The following TRPM5 variants were observed in gnomAD, a reference collection of about 807,000 sequenced individuals.
The protein encoded by TRPM5 is transient receptor potential cation channel subfamily M member 5.
A neutral mutation model predicts 124.9 loss-of-function variants in TRPM5; 121 were observed. That is an observed-to-expected ratio of 0.97 (90% CI 0.84 to 1.13). The LOEUF (loss-of-function observed/expected upper bound fraction) is 1.13, where lower values mean the gene tolerates loss of function less well. Ranked by LOEUF, TRPM5 falls within the 50% of genes most tolerant of loss-of-function variation. TRPM5 has a pLI of 0.00. For missense variants in TRPM5, 1,643 were observed against 1,589.1 expected (o/e 1.03, Z -0.58); for synonymous variants, 781 against 700.5 (o/e 1.11, Z -1.81).
At chr11:2,431,549 C>T in the TRPM5 span, among the ~76,000 whole-genome samples, 14 of 152,306 alleles carry the variant, frequency 9.2e-5, no homozygotes, top group Non-Finnish European at 1.0e-4. Context: ...TCTTCCCCAG[C>T]CACCCCTGGT....
At position 2,411,135 on chromosome 11, in the gene TRPM5, G is replaced by A. The variant is rs558187317; in HGVS notation, c.2782+217C>T. On this transcript the variant is annotated intron_variant, in intron 18 of 23. Transcript: ENST00000155858. ...CCAAGGCCCCAGGTCCCAGGTCGGGGCTCCGTGACTGGAGCTGCCTCTACC... is the reference window on the plus strand; with the variant it reads ...CCAAGGCCCCAGGTCCCAGGTCGGGACTCCGTGACTGGAGCTGCCTCTACC... Among the ~76,000 whole-genome samples, 62 of 152,242 alleles carry A rather than the reference G, an allele frequency of 4.1e-4. 1 individual carries two copies. Among genetic ancestry groups the A allele is most frequent in the South Asian group, 1.9e-3 (9 of 4,830 alleles).
chr11:2,427,707 G>A (rs549835469), upstream of TRPM5, among the ~76,000 whole-genome samples: 1 of 152,364 alleles, frequency 6.6e-6, no homozygotes, highest in Admixed American at 6.5e-5. Flanking sequence ...GCCTCCTTTG[G>A]CGATGTCTGG....
the TRPM5 span, among the ~76,000 whole-genome samples, chr11:2,432,657 C>T: frequency 1.3e-5 from 2 of 152,210 alleles, no homozygotes; most frequent in Non-Finnish European, 2.9e-5. Flanking sequence ...TGCCATGTGG[C>T]ATTTTATTTA....
chr11:2,427,913 G>A (rs537859609), upstream of TRPM5, among the ~76,000 whole-genome samples: 34 of 152,336 alleles, frequency 2.2e-4, no homozygotes, highest in African/African-American at 7.5e-4. Context: ...GTGGCCCTGC[G>A]AGGCCGTGGG....
At chr11:2,444,481 G>A in the TRPM5 span, among the ~76,000 whole-genome samples, 5 of 150,188 alleles carry the variant, frequency 3.3e-5, no homozygotes, top group African/African-American at 1.2e-4. Context: ...GGCAGAGCAG[G>A]CGGGCATCAG....
the TRPM5 span, among the ~76,000 whole-genome samples, chr11:2,430,863 GTGT>G: frequency 7.6e-5 from 11 of 144,176 alleles, no homozygotes; most frequent in Non-Finnish European, 1.2e-4. Flanking sequence ...GATGGAGGTG[GTGT>G]TGGTGGTGGT....
intron 21 of TRPM5, 68 bp from the exon 27 acceptor site, chr11:2,406,159 A>T (rs1443431383): frequency 1.3e-6 from 2 of 1,561,962 alleles, no homozygotes; most frequent in East Asian, 4.5e-5. Context: ...GAGCCTCCCC[A>T]TCCCCCCAGG....
exon 9 of TRPM5, chr11:2,415,240 G>A (rs1197564030): frequency 3.2e-6 from 5 of 1,572,020 alleles, no homozygotes; most frequent in South Asian, 2.3e-5. Context: ...CCCGCGGGTG[G>A]CTCCCGGGCC....
chr11:2,443,825 C>G, the TRPM5 span, among the ~76,000 whole-genome samples: 14 of 147,346 alleles, frequency 9.5e-5, no homozygotes, highest in Non-Finnish European at 1.7e-4. The surrounding 1 kb of genome is among the most constrained non-coding windows in gnomAD (Gnocchi z 5.0). Context: ...TGCCCCCCAC[C>G]CCCCCCCCAA....
At chr11:2,437,920 A>G in the TRPM5 span, among the ~76,000 whole-genome samples, 1 of 152,246 alleles carries the variant, frequency 6.6e-6, no homozygotes, top group South Asian at 2.1e-4. The surrounding 1 kb of genome is among the most constrained non-coding windows in gnomAD (Gnocchi z 5.6). Flanking sequence ...TTGCTGATGA[A>G]CGTAAATATA....
chr11:2,413,268 C>T lies in TRPM5; in HGVS notation c.2004-42G>A, dbSNP rs749482426. Reference sequence around the variant, plus strand: ...GCTCAGGGCCCGCAGGAAGGGCTCCCAGAGGCGCCTGCCTGGCTCCAGGCG... The same window carrying T: ...GCTCAGGGCCCGCAGGAAGGGCTCCTAGAGGCGCCTGCCTGGCTCCAGGCG... On this transcript the variant is annotated intron_variant, in intron 13 of 23. Coordinates refer to ENST00000155858, the Ensembl canonical transcript of TRPM5. 1.0e-5 allele frequency: 15 copies of T among 1,493,600 alleles called. No individual in the cohort carries two copies. The South Asian group carries it at 1.7e-4, about 17-fold the overall frequency. The allele number at this position is 1,493,600 out of a possible 1,614,324, so 92.5% of individuals were successfully genotyped here.
chr11:2,408,596 C>G (rs1025388728), intron 18 of TRPM5, among the ~76,000 whole-genome samples: 1 of 152,224 alleles, frequency 6.6e-6, no homozygotes, highest in Non-Finnish European at 1.5e-5. Flanking sequence ...GCAGGGACAC[C>G]CTGGAGGGGT....
At chr11:2,432,593 A>G in the TRPM5 span, among the ~76,000 whole-genome samples, 1 of 152,246 alleles carries the variant, frequency 6.6e-6, no homozygotes, top group African/African-American at 2.4e-5. Flanking sequence ...AAGGAGCTGC[A>G]GGCTGGCTCC....
At chr11:2,433,165 G>A in the TRPM5 span, among the ~76,000 whole-genome samples, 2 of 152,372 alleles carry the variant, frequency 1.3e-5, no homozygotes, top group Admixed American at 1.3e-4. Context: ...ATCACAAGAT[G>A]TGAACAGAGG....
chr11:2,425,197 A>G (rs530516326), upstream of TRPM5, among the ~76,000 whole-genome samples: 1 of 148,650 alleles, frequency 6.7e-6, no homozygotes, highest in Admixed American at 6.7e-5. Context: ...AAAGGGCCAC[A>G]CTCTCGGGGG....
chr11:2,424,394 T>C (rs1323528218), upstream of TRPM5, among the ~76,000 whole-genome samples: 1 of 152,234 alleles, frequency 6.6e-6, no homozygotes, highest in Non-Finnish European at 1.5e-5. Flanking sequence ...GCACAGTTAC[T>C]GCATCCCCAA....
chr11:2,414,013 G>GCCGCCCC, intron 12 of TRPM5, 48 bp downstream of exon 17: 1 of 625,670 alleles, frequency 1.6e-6, no homozygotes, highest in Non-Finnish European at 2.4e-6. Context: ...CAGCTCGCCC[G>GCCGCCCC]CCCACCCCAC....
the TRPM5 span, among the ~76,000 whole-genome samples, chr11:2,444,145 A>C: frequency 6.9e-6 from 1 of 145,550 alleles, no homozygotes; most frequent in Admixed American, 6.8e-5. Context: ...CACAGCTCCC[A>C]CTGGGAGGTA....
At chr11:2,419,445 T>G (rs1376843807) in intron 4 of TRPM5, among the ~76,000 whole-genome samples, 1 of 75,914 alleles carries the variant, frequency 1.3e-5, no homozygotes, top group Non-Finnish European at 2.4e-5. Flanking sequence ...CCGTCTCTAC[T>G]GGGAAAAAAA....
Sources: gnomAD v4.1 joint callset for allele counts (sites outside exome capture counted in the v4.1 genomes callset) on GRCh38, gnomAD v4.1.1 for gene constraint, Gnocchi (gnomAD v3.1) non-coding constraint, MANE v1.5 for transcripts, NCBI Gene and HGNC (gene_info 2026-07-23, HGNC 2026-07-21) for gene names.